The following DZANK1 variants were observed in gnomAD, a reference collection of about 807,000 sequenced individuals.
The protein encoded by DZANK1 is double zinc ribbon and ankyrin repeat-containing protein 1.
Under a neutral mutation model 94.5 loss-of-function variants are expected in DZANK1, and 91 were observed. That is an observed-to-expected ratio of 0.96 (90% CI 0.81 to 1.15). The LOEUF (loss-of-function observed/expected upper bound fraction) is 1.15, where lower values mean the gene tolerates loss of function less well. Ranked by LOEUF, DZANK1 falls within the 50% of genes most tolerant of loss-of-function variation. The pLI, the probability that DZANK1 is intolerant of heterozygous loss-of-function variation, is 0.00. For missense variants in DZANK1, 903 were observed against 916.4 expected, an observed-to-expected ratio of 0.99 and a Z score of 0.19; for synonymous variants, 312 against 325.3, an observed-to-expected ratio of 0.96 and a Z score of 0.44.
In DZANK1 at chr20:18,390,075, A is replaced by C. The variant is rs557519226; in HGVS notation, c.1891-247T>G. Among the ~76,000 whole-genome samples the C allele has an allele frequency of 4.6e-5, 7 of 152,220 alleles. No homozygotes were observed. In the South Asian group the frequency reaches 1.5e-3, roughly 32 times the overall value. On this transcript the variant is annotated intron_variant, in intron 18 of 20. Coordinates refer to ENST00000262547, the Ensembl canonical transcript of DZANK1. ...GGAGGGGAGGGCAGGCACCCTGACA[A>C]CCTTGCTTCTTTAGGAAACCCAGGA...
intron 9 of DZANK1, among the ~76,000 whole-genome samples, chr20:18,428,930 A>C (rs1419268320): frequency 1.3e-5 from 2 of 152,198 alleles, no homozygotes; most frequent in African/African-American, 4.8e-5. Context: ...CAATCTAAAC[A>C]ACTCCTAAAG....
exon 19 of DZANK1, chr20:18,389,722 T>C (rs1035399758): frequency 1.9e-6 from 3 of 1,613,816 alleles, no homozygotes; most frequent in Non-Finnish European, 2.5e-6. Context: ...CTGGTCGATG[T>C]CTGCTCCTCT....
chr20:18,438,520 A>G (rs1344626672), intron 8 of DZANK1, among the ~76,000 whole-genome samples: 1 of 152,218 alleles, frequency 6.6e-6, no homozygotes, highest in Non-Finnish European at 1.5e-5. Context: ...AACAGTAACC[A>G]TAAAAGAGCT....
At chr20:18,465,673 A>G (rs1265511426) in intron 1 of DZANK1, among the ~76,000 whole-genome samples, 4 of 152,222 alleles carry the variant, frequency 2.6e-5, no homozygotes, top group Admixed American at 2.6e-4. Flanking sequence ...GGCAAAACAG[A>G]GACTATCACT....
intron 9 of DZANK1, among the ~76,000 whole-genome samples, 187 bp from the exon 10 acceptor site, chr20:18,427,346 T>G (rs1046479503): frequency 6.8e-6 from 1 of 146,396 alleles, no homozygotes; most frequent in Non-Finnish European, 1.5e-5. Flanking sequence ...TTTTTTTGGG[T>G]TTTTTTTTTT....
At chr20:18,445,537 T>C (rs1399853144) in intron 7 of DZANK1, among the ~76,000 whole-genome samples, 1 of 152,214 alleles carries the variant, frequency 6.6e-6, no homozygotes, top group East Asian at 1.9e-4. Flanking sequence ...ATACACATTC[T>C]TTTAAAGTGT....
intron 3 of DZANK1, among the ~76,000 whole-genome samples, chr20:18,459,236 A>C (rs1402854808): frequency 6.6e-6 from 1 of 152,242 alleles, no homozygotes; most frequent in East Asian, 1.9e-4. Flanking sequence ...TTTATAAAGA[A>C]TAATAACGTG....
chr20:18,384,938 C>T (rs897754460), intron 20 of DZANK1, 78 bp downstream of exon 20: 2 of 1,377,870 alleles, frequency 1.5e-6, no homozygotes, highest in Non-Finnish European at 2.0e-6. Context: ...GAACCAAGGC[C>T]CCTCTTAAAA....
rs2059421114 is a variant in DZANK1, at chr20:18,460,056, C to T, written c.263+97G>A. On this transcript the variant is annotated intron_variant, in intron 3 of 20. Coordinates refer to ENST00000262547, the Ensembl canonical transcript of DZANK1. Reference sequence around the variant, plus strand: ...AAAATAATGTTTCAGTAGTGTCCTTCTAATGCAGCACTGATTCTGATAGGA... The same window carrying T: ...AAAATAATGTTTCAGTAGTGTCCTTTTAATGCAGCACTGATTCTGATAGGA... 5.4e-6 allele frequency: 5 copies of T among 922,020 alleles called. No homozygotes were observed. In the Admixed American group the frequency reaches 1.2e-4, roughly 22 times the overall value. 57.1% of individuals were successfully genotyped at this position (922,020 alleles called of 1,614,324 possible).
chr20:18,396,333 G>A, intron 15 of DZANK1, 139 bp downstream of exon 15: 1 of 635,558 alleles, frequency 1.6e-6, no homozygotes, highest in East Asian at 2.8e-5. Context: ...CTAATTCTAT[G>A]AAATTGCTTG....
chr20:18,453,599 C>T, intron 5 of DZANK1, 132 bp downstream of exon 5: 1 of 655,842 alleles, frequency 1.5e-6, no homozygotes, highest in Non-Finnish European at 2.7e-6. Flanking sequence ...ATTCAAAGTA[C>T]AGCATACTTT....
At chr20:18,437,212 T>C (rs1279721129) in intron 8 of DZANK1, among the ~76,000 whole-genome samples, 1 of 152,132 alleles carries the variant, frequency 6.6e-6, no homozygotes, top group African/African-American at 2.4e-5. Context: ...TTATAACATA[T>C]ATAGAAGCAA....
In DZANK1 at chr20:18,403,961, G is replaced by A. The variant is rs181046331; in HGVS notation, c.1433-5335C>T. ...ATTATAGATGCCTGCCACCATGCCCGGCTAATTTTTGTATTTTTAGTAGAG... is the reference window on the plus strand; with the variant it reads ...ATTATAGATGCCTGCCACCATGCCCAGCTAATTTTTGTATTTTTAGTAGAG... On this transcript the variant is annotated intron_variant, in intron 13 of 20. Coordinates refer to ENST00000262547, the Ensembl canonical transcript of DZANK1. 3.5e-3 allele frequency among the ~76,000 whole-genome samples: 526 copies of A among 151,882 alleles called. 3 individuals carry two copies. The highest frequency in any genetic ancestry group is 5.1e-3 in the African/African-American group (210 of 41,416).
chr20:18,434,545 C>CA (rs55680576), intron 8 of DZANK1, among the ~76,000 whole-genome samples: 8,559 of 46,168 alleles, frequency 0.19, 644 homozygotes, highest in Non-Finnish European at 0.26. Flanking sequence ...GACTCCTGCT[C>CA]AAAAAAAAAA....
chr20:18,389,629 T>C, intron 19 of DZANK1, 72 bp downstream of exon 19: 1 of 1,589,762 alleles, frequency 6.3e-7, no homozygotes, highest in Non-Finnish European at 8.6e-7. Context: ...TGTAGACCGC[T>C]TCTGCTGCAG....
At chr20:18,424,276 C>G (rs1468009127) in intron 10 of DZANK1, among the ~76,000 whole-genome samples, 1 of 151,824 alleles carries the variant, frequency 6.6e-6, no homozygotes, top group South Asian at 2.1e-4. Flanking sequence ...ATGGTGAAAC[C>G]CCATCTCTAC....
chr20:18,460,552 A>AC (rs1488270158), intron 2 of DZANK1, among the ~76,000 whole-genome samples: 1 of 152,086 alleles, frequency 6.6e-6, no homozygotes, highest in Non-Finnish European at 1.5e-5. Flanking sequence ...ACATGGTGAA[A>AC]CCCCATCTCT....
intron 7 of DZANK1, among the ~76,000 whole-genome samples, chr20:18,445,749 T>A (rs541568167): frequency 1.3e-4 from 20 of 151,390 alleles, no homozygotes; most frequent in Non-Finnish European, 2.4e-4. Flanking sequence ...CACAAAAAAA[T>A]ATATATATAC....
exon 11 of DZANK1, chr20:18,415,447 C>A: frequency 6.6e-7 from 1 of 1,505,452 alleles, no homozygotes; most frequent in Non-Finnish European, 8.9e-7. Context: ...CACTGCACAT[C>A]GACTGGTGAA....
Sources: allele counts gnomAD v4.1 joint callset (sites outside exome capture counted in the v4.1 genomes callset), GRCh38; gene constraint gnomAD v4.1.1; transcripts MANE v1.5; gene names NCBI Gene and HGNC (gene_info 2026-07-23, HGNC 2026-07-21).